ZBTB34: variants seen among roughly 807,000 people sequenced by gnomAD.
ZBTB34 encodes the protein zinc finger and BTB domain-containing protein 34.
Under a neutral mutation model 33.4 loss-of-function variants are expected in ZBTB34, and 1 was observed. The ratio of observed to expected loss-of-function variants is 0.03; its 90% CI spans 0.01 to 0.14. The LOEUF (loss-of-function observed/expected upper bound fraction) is 0.14, where lower values mean the gene tolerates loss of function less well. ZBTB34 is among the 10% of genes least tolerant of loss of function. The pLI is 1.00. For missense variants in ZBTB34, 406 were observed against 657.2 expected, an observed-to-expected ratio of 0.62 and a Z score of 4.18; for synonymous variants, 283 against 253.5, an observed-to-expected ratio of 1.12 and a Z score of -1.11.
chr9:126,874,904 C>G (rs1199088438), intron 1 of ZBTB34, among the ~76,000 whole-genome samples: 1 of 152,220 alleles, frequency 6.6e-6, no homozygotes, highest in East Asian at 1.9e-4. Flanking sequence ...TAGCTTTTAT[C>G]ATGGTTTATG....
At chr9:126,870,485 A>G (rs1056213183) in intron 1 of ZBTB34, among the ~76,000 whole-genome samples, 1 of 152,274 alleles carries the variant, frequency 6.6e-6, no homozygotes, top group African/African-American at 2.4e-5. Flanking sequence ...GCAGCGCATG[A>G]CAAAAGGCTA....
chr9:126,864,651 ATTT>A (rs993264476), intron 1 of ZBTB34, among the ~76,000 whole-genome samples: 2 of 149,322 alleles, frequency 1.3e-5, no homozygotes, highest in Non-Finnish European at 3.0e-5. Flanking sequence ...CATTTTATTT[ATTT>A]TTTTTTTCTT....
intron 1 of ZBTB34, among the ~76,000 whole-genome samples, chr9:126,861,189 C>A (rs1015328427): frequency 3.9e-5 from 6 of 152,194 alleles, no homozygotes; most frequent in African/African-American, 1.2e-4. Flanking sequence ...GTCGGCCCTT[C>A]GGGTGGCTGC....
At chr9:126,875,012 T>A (rs559892161) in intron 1 of ZBTB34, among the ~76,000 whole-genome samples, 1 of 152,152 alleles carries the variant, frequency 6.6e-6, no homozygotes, top group Non-Finnish European at 1.5e-5. Context: ...CATCTATAAG[T>A]TTGGTTGTAT....
At chr9:126,872,577 G>C (rs1041471480) in intron 1 of ZBTB34, among the ~76,000 whole-genome samples, 1 of 152,150 alleles carries the variant, frequency 6.6e-6, no homozygotes, top group African/African-American at 2.4e-5. Flanking sequence ...TTGTGCCTAC[G>C]TAAGAGGCTC....
chr9:126,874,278 C>T (rs1219261436), intron 1 of ZBTB34, among the ~76,000 whole-genome samples: 2 of 149,818 alleles, frequency 1.3e-5, no homozygotes, highest in Non-Finnish European at 3.0e-5. Context: ...TCTCAATCTC[C>T]TGACCTGGTG....
At chr9:126,865,015 CTTGA>C (rs1247325021) in intron 1 of ZBTB34, among the ~76,000 whole-genome samples, 1 of 152,172 alleles carries the variant, frequency 6.6e-6, no homozygotes, top group Non-Finnish European at 1.5e-5. Flanking sequence ...TCATGAGCAT[CTTGA>C]TTGAGAATAA....
chr9:126,877,146 GA>G (rs1367022597), intron 1 of ZBTB34, among the ~76,000 whole-genome samples: 1 of 152,128 alleles, frequency 6.6e-6, no homozygotes, highest in African/African-American at 2.4e-5. Flanking sequence ...TTAAGGCACT[GA>G]CTTTTCCTGT....
Position 126,880,450 on chromosome 9 carries a change from A to T in ZBTB34, c.1051A>T (p.Met351Leu), listed in dbSNP as rs1400704603. ...GCAGGGCTCTGACAGTGAAGCCATG[A>T]TGAACAACCCCGGGTATGAGAGCAG... The change falls in exon 2 of 2, where the codon ATG becomes TTG. Residue 351 changes from methionine (M) to leucine (L), a missense_variant. By Grantham distance (15) the Met-to-Leu change is conservative. Transcript: ENST00000319119. The surrounding 1 kb of genome is among the most constrained non-coding windows in gnomAD (Gnocchi z 6.7). The T allele has an allele frequency of 1.2e-6, 2 of 1,613,634 alleles. No homozygotes were observed. Among genetic ancestry groups the T allele is most frequent in the Non-Finnish European group, 1.7e-6 (2 of 1,179,884 alleles).
chr9:126,866,281 T>C (rs891186462), intron 1 of ZBTB34, among the ~76,000 whole-genome samples: 1 of 152,318 alleles, frequency 6.6e-6, no homozygotes, highest in African/African-American at 2.4e-5. Flanking sequence ...CAGCTTGTCC[T>C]GGCTGAGCTA....
chr9:126,871,768 G>C (rs756763637), intron 1 of ZBTB34, among the ~76,000 whole-genome samples: 2 of 151,988 alleles, frequency 1.3e-5, no homozygotes, highest in East Asian at 1.9e-4. Flanking sequence ...TATTATTTCT[G>C]TTCTGTGATC....
At position 126,873,974 on chromosome 9, in the gene ZBTB34, C is replaced by T. The variant is rs527603973; in HGVS notation, c.-10-5416C>T. 9.1e-4 allele frequency among the ~76,000 whole-genome samples: 137 copies of T among 150,710 alleles called. 2 individuals are homozygous for T. The South Asian group carries it at 0.024, about 26-fold the overall frequency. Reference sequence around the variant, plus strand: ...TTAAAAGCCTCTGTTCATACATAGTCGCGTTTTTCAGTTGTTACATTTGGC... The same window carrying T: ...TTAAAAGCCTCTGTTCATACATAGTTGCGTTTTTCAGTTGTTACATTTGGC... On this transcript the variant is annotated intron_variant, in intron 1 of 1. Coordinates refer to ENST00000319119, the Ensembl canonical transcript of ZBTB34.
chr9:126,860,662 C>T (rs555359087), upstream of ZBTB34: 496 of 148,206 alleles, frequency 3.3e-3, 2 homozygotes, highest in African/African-American at 0.012. Context: ...GCAGCCGGAG[C>T]GGCGGGGACT....
At chr9:126,867,546 T>C (rs539449567) in intron 1 of ZBTB34, among the ~76,000 whole-genome samples, 3 of 151,774 alleles carry the variant, frequency 2.0e-5, no homozygotes, top group African/African-American at 7.2e-5. Flanking sequence ...ATTAAGGAAT[T>C]TGGAAAGTAG....
At chr9:126,868,211 A>G (rs2033233833) in intron 1 of ZBTB34, among the ~76,000 whole-genome samples, 1 of 152,186 alleles carries the variant, frequency 6.6e-6, no homozygotes, top group Non-Finnish European at 1.5e-5. Context: ...GTTGCAGAGC[A>G]GCCTCTTGCT....
chr9:126,880,658 A>G lies in ZBTB34; in HGVS notation c.1259A>G (p.Glu420Gly). Residue 420 changes from glutamate (E) to glycine (G), a missense_variant, in exon 2 of 2, where the codon GAG becomes GGG. Glu to Gly is a moderately conservative substitution (Grantham distance 98). Transcript: ENST00000319119. This position sits in a 1 kb window ranked among gnomAD's most constrained non-coding sequence, Gnocchi z 6.7. ...AAGTACACACGGAAGGACCAACTGG[A>G]GTACCACATCCGGGGCCATACAGAT... 6.2e-7 allele frequency: 1 copy of G among 1,613,896 alleles called. No homozygotes were observed. The highest frequency in any genetic ancestry group is 8.5e-7 in the Non-Finnish European group (1 of 1,179,898).
rs1167153229 is a variant in ZBTB34, at chr9:126,879,794, A to G, written c.395A>G (p.Lys132Arg). 2.5e-6 allele frequency: 4 copies of G among 1,613,254 alleles called. No homozygotes were observed. The African/African-American group carries it at 4.0e-5, about 16-fold the overall frequency. Residue 132 changes from lysine (K) to arginine (R), a missense_variant, in exon 2 of 2, where the codon AAA (lysine) becomes AGA (arginine). Transcript: ENST00000319119. This position sits in a 1 kb window ranked among gnomAD's most constrained non-coding sequence, Gnocchi z 6.4. ...CAGATCCTAGAGAGCATCCATTCCA[A>G]AATCAGCGTTGGAGATGTTGACTCT...
At position 126,880,383 on chromosome 9, in the gene ZBTB34, G is replaced by A. The variant is rs766806482; in HGVS notation, c.984G>A (p.Arg328=). The A allele has an allele frequency of 2.5e-6, 4 of 1,613,548 alleles. No homozygotes were observed. The South Asian group carries it at 3.3e-5, about 13-fold the overall frequency. Residue 328 remains arginine, a synonymous_variant, in exon 2 of 2, where the codon CGG becomes CGA. Transcript: ENST00000319119. This position sits in a 1 kb window ranked among gnomAD's most constrained non-coding sequence, Gnocchi z 6.7. ...GAGGAGGGCGTGCCCGCCAGAAGCG[G>A]GCTTTGTCTGTCCACCTGCACAGTG...
At chr9:126,876,023 C>G (rs1164251611) in intron 1 of ZBTB34, among the ~76,000 whole-genome samples, 1 of 151,612 alleles carries the variant, frequency 6.6e-6, no homozygotes, top group African/African-American at 2.4e-5. Flanking sequence ...CAGGACTTTT[C>G]TGATGGGATA....
Sources: allele counts gnomAD v4.1 joint callset (sites outside exome capture counted in the v4.1 genomes callset), GRCh38; gene constraint gnomAD v4.1.1; non-coding constraint Gnocchi (gnomAD v3.1); transcripts MANE v1.5; gene names NCBI Gene and HGNC (gene_info 2026-07-23, HGNC 2026-07-21).